Variants in PRKN observed in about 807,000 individuals in gnomAD.
PRKN encodes E3 ubiquitin-protein ligase parkin.
PRKN carries 56 observed loss-of-function variants against 59.5 expected under a neutral mutation model. The ratio of observed to expected loss-of-function variants is 0.94; its 90% confidence interval spans 0.76 to 1.18. PRKN has a LOEUF of 1.18. Among genes scored for constraint, PRKN ranks in the 50% most tolerant of loss-of-function variants. The probability of loss-of-function intolerance (pLI) is 0.00; values close to 1 mark genes in which losing one functional copy is unlikely to be tolerated. For synonymous variants in PRKN, 250 were observed against 222.1 expected, an observed-to-expected ratio of 1.13 and a Z score of -1.12; for missense variants, 657 against 596.4, an observed-to-expected ratio of 1.10 and a Z score of -1.06.
rs888415284 is a variant in PRKN at position 161,949,466 on chromosome 6, G to A, written c.734+23836C>T. Among the ~76,000 whole-genome samples the A allele has an allele frequency of 4.6e-5, 7 of 152,164 alleles. No individual in the cohort carries two copies. In the South Asian group the frequency reaches 6.2e-4, roughly 14 times the overall value. On this transcript the variant is annotated intron_variant, in intron 6 of 11. Transcript: ENST00000366898. ...GTGGAGGTTGCGGTGAGCCGAGTTT[G>A]CGCCACTGCACTCCAGCCTGGGCAA...
rs532479006 is a variant in PRKN, at chr6:161,505,138, C to G, written c.1083+43716G>C. Among the ~76,000 whole-genome samples the G allele has an allele frequency of 1.2e-4, 19 of 152,266 alleles. No homozygotes were observed. The East Asian group carries it at 3.3e-3, about 26-fold the overall frequency. ...ATGGTCGAACTAGTTTACAGTCCCA[C>G]CAACAGTGTAAAAGTGTTCCTATTT... On this transcript the variant is annotated intron_variant, in intron 9 of 11. Transcript: ENST00000366898.
chr6:162,236,054 G>T (rs1158074175), intron 3 of PRKN, among the ~76,000 whole-genome samples: 1 of 151,744 alleles, frequency 6.6e-6, no homozygotes, highest in Non-Finnish European at 1.5e-5. Flanking sequence ...ATCAAAAACA[G>T]CTTACTGCCA....
chr6:161,960,752 C>T (rs1264567727), intron 6 of PRKN, among the ~76,000 whole-genome samples: 4 of 152,154 alleles, frequency 2.6e-5, no homozygotes, highest in Non-Finnish European at 5.9e-5. Flanking sequence ...TTTGTTAGAA[C>T]AAGAAATGAA....
rs910265384 is a variant in PRKN at position 162,381,731 on chromosome 6, AT to A, written c.171+61578del. Among the ~76,000 whole-genome samples, 32 of 151,738 alleles carry A rather than the reference AT, an allele frequency of 2.1e-4. No homozygotes were observed. In the Middle Eastern group the frequency reaches 0.01, roughly 49 times the overall value. ...TTTTACCATTACGCACTTTTTTCTG[AT>A]TTTTTTTTATTAGTCCAAAGAAATA... On this transcript the variant is annotated intron_variant, in intron 2 of 11. Coordinates refer to ENST00000366898, the MANE Select transcript of PRKN (RefSeq NM_004562.3).
chr6:161,545,237 T>C lies in PRKN; in HGVS notation c.1083+3617A>G. On this transcript the variant is annotated intron_variant, in intron 9 of 11. Coordinates refer to ENST00000366898, the MANE Select transcript of PRKN (RefSeq NM_004562.3). The surrounding 1 kb of genome is among the most constrained non-coding windows in gnomAD (Gnocchi z 4.1). ...GAGGGAAAAAAAAATTAAGCACGGGTGAATTCACAGGCATCTTACAATAAA... is the reference window on the plus strand; with the variant it reads ...GAGGGAAAAAAAAATTAAGCACGGGCGAATTCACAGGCATCTTACAATAAA... The C allele has an allele frequency of 7.4e-7, 1 of 1,356,284 alleles. No homozygotes were observed. The highest frequency in any genetic ancestry group is 9.5e-7 in the Non-Finnish European group (1 of 1,054,112). 84.0% of individuals were successfully genotyped at this position (1,356,284 alleles called of 1,614,324 possible).
intron 2 of PRKN, among the ~76,000 whole-genome samples, chr6:162,360,535 C>A (rs1785089655): frequency 6.6e-6 from 1 of 152,098 alleles, no homozygotes; most frequent in African/African-American, 2.4e-5. Flanking sequence ...GACATCTTTT[C>A]TTCTTTTTTA....
At chr6:162,702,364 G>A (rs1179250324) in intron 1 of PRKN, among the ~76,000 whole-genome samples, 1 of 151,990 alleles carries the variant, frequency 6.6e-6, no homozygotes, top group Non-Finnish European at 1.5e-5. Flanking sequence ...CTTCATAGAT[G>A]GTCACTGTAA....
rs75669626 is a variant in PRKN at position 161,449,912 on chromosome 6, C to T, written c.1084-63035G>A. Among the ~76,000 whole-genome samples the T allele has an allele frequency of 9.8e-3, 1,493 of 152,328 alleles. 12 individuals carry two copies. The highest frequency in any genetic ancestry group is 0.014 in the Non-Finnish European group (976 of 68,040). Reference sequence around the variant, plus strand: ...TTTCAATGCACTGCCATGACCCCCACACCCACCCACGAGACTTTAGCTGTT... The same window carrying T: ...TTTCAATGCACTGCCATGACCCCCATACCCACCCACGAGACTTTAGCTGTT... On this transcript the variant is annotated intron_variant, in intron 9 of 11. Coordinates refer to ENST00000366898, the MANE Select transcript of PRKN (RefSeq NM_004562.3).
At chr6:161,624,887 G>A (rs1378673438) in intron 7 of PRKN, among the ~76,000 whole-genome samples, 1 of 152,216 alleles carries the variant, frequency 6.6e-6, no homozygotes, top group African/African-American at 2.4e-5. Context: ...AGATACGATA[G>A]TTGAATTCCT....
chr6:161,431,206 A>T (rs1788633746), intron 9 of PRKN, among the ~76,000 whole-genome samples: 1 of 152,132 alleles, frequency 6.6e-6, no homozygotes, highest in East Asian at 1.9e-4. Context: ...GTGAGCAATT[A>T]TGATTAGCTA....
At chr6:162,208,369 A>G (rs1007405862) in intron 3 of PRKN, among the ~76,000 whole-genome samples, 17 of 152,318 alleles carry the variant, frequency 1.1e-4, no homozygotes, top group African/African-American at 4.1e-4. Context: ...ATGCTTAGCA[A>G]TCTCTAAGGA....
chr6:162,024,488 C>T (rs577177450), intron 5 of PRKN, among the ~76,000 whole-genome samples: 21 of 152,298 alleles, frequency 1.4e-4, no homozygotes, highest in Admixed American at 9.8e-4. Context: ...TGAGCCACAG[C>T]GCCCAGCCCA....
chr6:162,174,430 G>C (rs1024990297), intron 4 of PRKN, among the ~76,000 whole-genome samples: 2 of 152,102 alleles, frequency 1.3e-5, no homozygotes, highest in Non-Finnish European at 2.9e-5. Flanking sequence ...TTGGTTCTGA[G>C]TGCACACAGA....
chr6:161,788,490 G>C (rs532147121), intron 6 of PRKN, among the ~76,000 whole-genome samples: 1 of 152,300 alleles, frequency 6.6e-6, no homozygotes, highest in East Asian at 1.9e-4. Flanking sequence ...ACAGAGTGAA[G>C]TGTATCTTCC....
chr6:161,975,174 C>T (rs1271653296), intron 5 of PRKN, among the ~76,000 whole-genome samples: 2 of 151,182 alleles, frequency 1.3e-5, no homozygotes, highest in South Asian at 4.2e-4. Context: ...CAAACTCTGC[C>T]TCCTGGGCTC....
At chr6:161,617,793 G>A (rs998184461) in intron 7 of PRKN, among the ~76,000 whole-genome samples, 2 of 152,212 alleles carry the variant, frequency 1.3e-5, no homozygotes, top group Non-Finnish European at 2.9e-5. Flanking sequence ...TGGGATGGGG[G>A]GCAACCTATT....
chr6:162,327,866 A>G (rs1217193865), intron 2 of PRKN, among the ~76,000 whole-genome samples: 1 of 152,128 alleles, frequency 6.6e-6, no homozygotes, highest in Non-Finnish European at 1.5e-5. Flanking sequence ...GGGAACACGA[A>G]GAAGCATAAT....
At chr6:162,636,871 G>A (rs938594436) in intron 1 of PRKN, among the ~76,000 whole-genome samples, 2 of 151,876 alleles carry the variant, frequency 1.3e-5, no homozygotes, top group African/African-American at 4.8e-5. Flanking sequence ...GAAGTGGGAG[G>A]GCTGCTTGAG....
intron 1 of PRKN, among the ~76,000 whole-genome samples, chr6:162,639,062 A>G (rs2128224105): frequency 6.6e-6 from 1 of 152,274 alleles, no homozygotes; most frequent in South Asian, 2.1e-4. Context: ...CAAGTTTGCC[A>G]GTCTTCCTGT....
Sources: allele counts gnomAD v4.1 joint callset (sites outside exome capture counted in the v4.1 genomes callset), GRCh38; gene constraint gnomAD v4.1.1; non-coding constraint Gnocchi (gnomAD v3.1); transcripts MANE v1.5; gene names NCBI Gene and HGNC (gene_info 2026-07-23, HGNC 2026-07-21).